The following PTPRQ variants were observed in gnomAD, a reference collection of about 807,000 sequenced individuals.
The protein encoded by PTPRQ is phosphatidylinositol phosphatase PTPRQ.
In PTPRQ, 199 loss-of-function variants were observed where a neutral mutation model predicts 246.0. The ratio of observed to expected loss-of-function variants is 0.81; its 90% CI spans 0.72 to 0.91. PTPRQ has a LOEUF of 0.91. Ranked by LOEUF, PTPRQ falls within the 40% of genes least tolerant of loss-of-function variation. The pLI, the probability that PTPRQ is intolerant of heterozygous loss-of-function variation, is 0.00. For missense variants in PTPRQ, 2,624 were observed against 2,528.4 expected (o/e 1.04, Z -0.81); for synonymous variants, 869 against 853.2 (o/e 1.02, Z -0.32).
Position 80,610,497 on chromosome 12 carries a change from T to A in PTPRQ, c.4790T>A (p.Ile1597Lys). 6.5e-7 allele frequency: 1 copy of A among 1,532,024 alleles called. No homozygotes were observed. The highest frequency in any genetic ancestry group is 8.8e-7 in the Non-Finnish European group (1 of 1,134,982). 94.9% of individuals were successfully genotyped at this position (1,532,024 alleles called of 1,614,324 possible). A position where few individuals can be genotyped will look rare whatever the true frequency, so the allele number is the denominator to read the frequency against. The change falls in exon 28 of 45, where the codon ATA becomes AAA. Residue 1597 changes from isoleucine (I) to lysine (K), a missense_variant. Ile to Lys is a moderately radical substitution (Grantham distance 102, BLOSUM62 -3). Coordinates refer to ENST00000644991, the MANE Select transcript of PTPRQ (RefSeq NM_001145026.2). ...AAGTCAAATGAAGAAAATAAAACCA[T>A]AGAAATTAAAGATTTAGAAATATTC... ...FIKSNEENKT[I>K]EIKDLEIFTR...
At chr12:80,632,071 T>G in intron 33 of PTPRQ, 121 bp from the exon 34 acceptor site, 1 of 1,301,736 alleles carries the variant, frequency 7.7e-7, no homozygotes, top group Non-Finnish European at 1.0e-6. Flanking sequence ...GCTGCTACAT[T>G]TTACTAGTAT....
chr12:80,526,239 T>G (rs1484793910), intron 17 of PTPRQ, among the ~76,000 whole-genome samples: 1 of 152,108 alleles, frequency 6.6e-6, no homozygotes, highest in Non-Finnish European at 1.5e-5. Flanking sequence ...AAGCAGGTGT[T>G]TACAGAAAGG....
At position 80,622,070 on chromosome 12, in the gene PTPRQ, T is replaced by C. The variant is rs1245322662; in HGVS notation, c.5622T>C (p.Phe1874=). 4 of 1,414,992 alleles carry C rather than the reference T, an allele frequency of 2.8e-6. No homozygotes were observed. In the African/African-American group the frequency reaches 6.0e-5, roughly 21 times the overall value. 87.7% of individuals were successfully genotyped at this position (1,414,992 alleles called of 1,614,324 possible). A position where few individuals can be genotyped will look rare whatever the true frequency, so the allele number is the denominator to read the frequency against. Residue 1874 remains phenylalanine (F), a synonymous_variant, in exon 33 of 45, where the codon TTT becomes TTC. Coordinates refer to ENST00000644991, the MANE Select transcript of PTPRQ (RefSeq NM_001145026.2). ...LKPKKQYLFK[F]RATNIMGQFT... is the part of the protein sequence containing the mutation. ...TTTTTTTATTTTATAGATTTAAATT[T>C]AGAGCTACAAATATTATGGGACAAT...
At chr12:80,539,465 T>C (rs1468984817) in intron 19 of PTPRQ, among the ~76,000 whole-genome samples, 1 of 152,156 alleles carries the variant, frequency 6.6e-6, no homozygotes, top group Non-Finnish European at 1.5e-5. Flanking sequence ...ATAAGGAAAG[T>C]GATGCTGATC....
chr12:80,473,987 T>C (rs1893734489), intron 8 of PTPRQ, among the ~76,000 whole-genome samples: 2 of 152,242 alleles, frequency 1.3e-5, no homozygotes, highest in South Asian at 2.1e-4. Flanking sequence ...ATGGTTCTTA[T>C]ATCCTCATGT....
chr12:80,630,278 G>A (rs542508522), intron 33 of PTPRQ, among the ~76,000 whole-genome samples: 2 of 152,088 alleles, frequency 1.3e-5, no homozygotes, highest in South Asian at 4.2e-4. Context: ...GAAGCAATCA[G>A]ATAGGTTGTC....
intron 33 of PTPRQ, among the ~76,000 whole-genome samples, chr12:80,623,212 T>A (rs79888255): frequency 1.3e-5 from 2 of 152,066 alleles, no homozygotes; most frequent in Non-Finnish European, 2.9e-5. Context: ...GAAATTCTCA[T>A]TGGGTTATGG....
In PTPRQ at chr12:80,616,257, G is replaced by A. The variant is rs998741590; in HGVS notation, c.5221G>A (p.Asp1741Asn). 4 of 1,485,800 alleles carry A rather than the reference G, an allele frequency of 2.7e-6. No individual in the cohort carries two copies. In the East Asian group the frequency reaches 1.1e-4, roughly 41 times the overall value. 92.0% of individuals were successfully genotyped at this position (1,485,800 alleles called of 1,614,324 possible). Residue 1741 changes from aspartate (D) to asparagine (N), a missense_variant, in exon 30 of 45, where the codon GAT becomes AAT. By Grantham distance (23) the Asp-to-Asn change is conservative (BLOSUM62 1). Transcript: ENST00000644991. ...GPKVPMRITMDIKAPARPKTK... is the reference protein window; with the variant it reads ...GPKVPMRITMNIKAPARPKTK... ...AAAGGTTCCGATGAGAATAACCATG[G>A]ATATCAAAGGTACATACATGAGCTA... is the stretch of plus-strand genomic sequence containing the variant.
intron 42 of PTPRQ, among the ~76,000 whole-genome samples, chr12:80,672,138 G>T (rs1180321057): frequency 6.6e-6 from 1 of 151,594 alleles, no homozygotes; most frequent in Non-Finnish European, 1.5e-5. Context: ...TTTTCAGTAT[G>T]AGACTTCTTA....
At chr12:80,653,204 A>G (rs1592761702) in intron 38 of PTPRQ, among the ~76,000 whole-genome samples, 2 of 152,324 alleles carry the variant, frequency 1.3e-5, no homozygotes, top group Admixed American at 1.3e-4. Context: ...TTCACAGCAT[A>G]GCAGTGTTTT....
chr12:80,459,459 G>A lies in PTPRQ; in HGVS notation c.636G>A (p.Leu212=), dbSNP rs1893081924. The A allele has an allele frequency of 5.0e-6, 2 of 398,294 alleles. No individual in the cohort carries two copies. Among genetic ancestry groups the A allele is most frequent in the Non-Finnish European group, 8.9e-6 (2 of 225,950 alleles). 24.7% of individuals were successfully genotyped at this position (398,294 alleles called of 1,614,324 possible). Reference sequence around the variant, plus strand: ...TCTCAATCAGAGTAGAGGACATTTTGACTGGGAAATTGCCAGAATGCAATG... The same window carrying A: ...TCTCAATCAGAGTAGAGGACATTTTAACTGGGAAATTGCCAGAATGCAATG... The part of the protein sequence containing the change: ...KDVSIRVEDI[L]TGKLPECNEN... Residue 212 remains leucine (L), a synonymous_variant, in exon 5 of 45, where the codon TTG becomes TTA. Coordinates refer to ENST00000644991, the MANE Select transcript of PTPRQ (RefSeq NM_001145026.2).
rs1465174996 is a variant in PTPRQ, at chr12:80,499,152, T to C, written c.2272+2621T>C. On this transcript the variant is annotated intron_variant, in intron 14 of 44. Coordinates refer to ENST00000644991, the MANE Select transcript of PTPRQ (RefSeq NM_001145026.2). ...TTGACTATAGGCCTCCTGACCCCCA[T>C]TACAGGCCTCACTTAATAGGCTCCT... Among the ~76,000 whole-genome samples, 7 of 151,840 alleles carry C rather than the reference T, an allele frequency of 4.6e-5. 1 individual carries two copies. Among genetic ancestry groups the C allele is most frequent in the Non-Finnish European group, 1.0e-4 (7 of 67,946 alleles).
intron 17 of PTPRQ, among the ~76,000 whole-genome samples, chr12:80,531,823 T>A (rs556395874): frequency 2.7e-5 from 4 of 150,580 alleles, no homozygotes; most frequent in African/African-American, 7.2e-5. Flanking sequence ...CTGAAAAAAA[T>A]TTTTTTAGCT....
intron 22 of PTPRQ, 37 bp downstream of exon 22, chr12:80,542,401 T>G (rs1450256572): frequency 6.6e-7 from 1 of 1,512,792 alleles, no homozygotes; most frequent in Admixed American, 2.6e-5. Context: ...ACAATTTCAC[T>G]GTTGCAGCGC....
chr12:80,540,634 A>G (rs1001349564), intron 20 of PTPRQ, among the ~76,000 whole-genome samples: 4 of 152,090 alleles, frequency 2.6e-5, no homozygotes, highest in African/African-American at 9.7e-5. Context: ...TTATTATCTG[A>G]AAGCCATAAA....
intron 35 of PTPRQ, among the ~76,000 whole-genome samples, chr12:80,635,573 T>TTAAA (rs1565832795): frequency 6.6e-6 from 1 of 151,940 alleles, no homozygotes; most frequent in Non-Finnish European, 1.5e-5. Flanking sequence ...TATTTAAAAA[T>TTAAA]TAAATATAAA....
intron 25 of PTPRQ, among the ~76,000 whole-genome samples, chr12:80,552,645 T>TTTTATA (rs1896514196): frequency 1.3e-5 from 1 of 76,502 alleles, no homozygotes; most frequent in South Asian, 5.1e-4. Flanking sequence ...AAAAAAAAAA[T>TTTTATA]TATATATATA....
At chr12:80,469,111 A>G (rs760068100) in intron 7 of PTPRQ, among the ~76,000 whole-genome samples, 2 of 152,194 alleles carry the variant, frequency 1.3e-5, no homozygotes, top group Non-Finnish European at 2.9e-5. Flanking sequence ...GTGTTAGTGG[A>G]GATATACATC....
At chr12:80,495,942 C>G in intron 12 of PTPRQ, 57 bp from the exon 13 acceptor site, 1 of 1,513,866 alleles carries the variant, frequency 6.6e-7, no homozygotes, top group Middle Eastern at 1.9e-4. Flanking sequence ...TTAAATGGCA[C>G]CAATCCCAAG....
Sources: allele counts gnomAD v4.1 joint callset (sites outside exome capture counted in the v4.1 genomes callset), GRCh38; gene constraint gnomAD v4.1.1; transcripts MANE v1.5; gene names NCBI Gene and HGNC (gene_info 2026-07-23, HGNC 2026-07-21).